Variants in TBCEL observed in about 807,000 individuals in gnomAD.
The protein encoded by TBCEL is tubulin folding cofactor E like.
Under a neutral mutation model 44.2 loss-of-function variants are expected in TBCEL, and 15 were observed. The observed-to-expected ratio is 0.34, with a 90% CI of 0.23 to 0.52. The LOEUF (loss-of-function observed/expected upper bound fraction) is 0.52. Among genes scored for constraint, TBCEL ranks in the 20% least tolerant of loss-of-function variants. The pLI, the probability that TBCEL is intolerant of heterozygous loss-of-function variation, is 0.95. For synonymous variants in TBCEL, 171 were observed against 185.4 expected (o/e 0.92, Z 0.63); for missense variants, 319 against 506.3 (o/e 0.63, Z 3.55).
At chr11:121,079,633 G>A (rs1259291761) in intron 8 of TBCEL, among the ~76,000 whole-genome samples, 2 of 152,152 alleles carry the variant, frequency 1.3e-5, no homozygotes, top group Non-Finnish European at 2.9e-5. Flanking sequence ...TGGTGACCTT[G>A]AGAAATCCTT....
chr11:121,069,816 G>A lies in TBCEL; in HGVS notation c.956+9731G>A, dbSNP rs182108870. On this transcript the variant is annotated intron_variant, in intron 8 of 8. Coordinates refer to ENST00000683345, the MANE Select transcript of TBCEL (RefSeq NM_001363644.2). ...AAAAAAAAAAGTAGTTAATAACTGG[G>A]AAGTAATGATACATATTATGCTGGG... Among the ~76,000 whole-genome samples, 432 of 152,128 alleles carry A rather than the reference G, an allele frequency of 2.8e-3. 2 individuals are homozygous for A. The highest frequency in any genetic ancestry group is 6.8e-3 in the Middle Eastern group (2 of 294).
In TBCEL at chr11:121,024,161, C is replaced by G. The variant is rs1945000416; in HGVS notation, c.-256C>G. On this transcript the variant is annotated 5_prime_UTR_variant, in exon 1 of 9. Transcript: ENST00000683345. ...GGCCAGAGTGGGGGACTAGGTGAAG[C>G]GGCGCCGGGCCGGGGCTGGCCGGGA... The G allele has an allele frequency of 6.5e-6, 1 of 153,170 alleles. No homozygotes were observed. The highest frequency in any genetic ancestry group is 6.5e-5 in the Admixed American group (1 of 15,290). 9.5% of individuals were successfully genotyped at this position (153,170 alleles called of 1,614,324 possible).
At chr11:121,064,497 T>G (rs1360653556) in intron 8 of TBCEL, among the ~76,000 whole-genome samples, 1 of 152,234 alleles carries the variant, frequency 6.6e-6, no homozygotes, top group Non-Finnish European at 1.5e-5. Flanking sequence ...AAAAGATTCA[T>G]GCATTCAGAC....
intron 8 of TBCEL, among the ~76,000 whole-genome samples, chr11:121,083,265 G>A (rs761357383): frequency 5.7e-4 from 86 of 152,210 alleles, no homozygotes; most frequent in Non-Finnish European, 7.2e-4. Context: ...GATGGGATAC[G>A]TAGGAAGATA....
chr11:121,034,579 C>A (rs549589437), intron 1 of TBCEL, among the ~76,000 whole-genome samples: 1 of 152,028 alleles, frequency 6.6e-6, no homozygotes, highest in Admixed American at 6.6e-5. Context: ...ATTAGAAAAC[C>A]TACTGATTAG....
chr11:121,038,849 GC>G (rs1406532156), intron 2 of TBCEL, among the ~76,000 whole-genome samples: 3 of 152,040 alleles, frequency 2.0e-5, no homozygotes, highest in Non-Finnish European at 4.4e-5. Flanking sequence ...AGGTATGATT[GC>G]TACTCTTTTC....
At chr11:121,075,552 A>G (rs1946017743) in intron 8 of TBCEL, among the ~76,000 whole-genome samples, 1 of 151,930 alleles carries the variant, frequency 6.6e-6, no homozygotes, top group African/African-American at 2.4e-5. Context: ...ATTTTATTAA[A>G]CTTATAGATG....
intron 1 of TBCEL, among the ~76,000 whole-genome samples, chr11:121,028,945 T>G (rs1945094359): frequency 6.6e-6 from 1 of 152,242 alleles, no homozygotes. Flanking sequence ...TGCAAACTTT[T>G]GAATGGTGGA....
intron 8 of TBCEL, among the ~76,000 whole-genome samples, chr11:121,069,170 A>G (rs1326642069): frequency 1.3e-5 from 2 of 152,064 alleles, no homozygotes; most frequent in African/African-American, 4.8e-5. Context: ...TATATTGTCA[A>G]TCTCCCCCCA....
intron 2 of TBCEL, 147 bp from the exon 3 acceptor site, chr11:121,045,527 A>G (rs371866641): frequency 1.8e-6 from 1 of 562,706 alleles, no homozygotes. Flanking sequence ...CTGTCACCAC[A>G]GTATATGTTT....
chr11:121,044,918 T>G (rs1945402136), intron 2 of TBCEL, among the ~76,000 whole-genome samples: 1 of 152,114 alleles, frequency 6.6e-6, no homozygotes, highest in Admixed American at 6.6e-5. Context: ...GCAAAATAGG[T>G]TACTTATCTG....
intron 1 of TBCEL, among the ~76,000 whole-genome samples, chr11:121,033,767 T>C (rs1169706060): frequency 6.6e-6 from 1 of 152,174 alleles, no homozygotes; most frequent in African/African-American, 2.4e-5. Flanking sequence ...ATTTCTTCTT[T>C]TTCCAAACTG....
chr11:121,025,779 A>G (rs1945036150), intron 1 of TBCEL, among the ~76,000 whole-genome samples: 1 of 150,116 alleles, frequency 6.7e-6, no homozygotes, highest in Non-Finnish European at 1.5e-5. Flanking sequence ...GGTGCAATTG[A>G]TTGCTTCGGT....
intron 8 of TBCEL, among the ~76,000 whole-genome samples, chr11:121,080,924 G>A (rs1946113435): frequency 1.3e-5 from 2 of 152,230 alleles, no homozygotes; most frequent in African/African-American, 4.8e-5. Context: ...GGACCTGAGT[G>A]TATGAAGGCT....
At chr11:121,057,285 T>A (rs1373596014) in intron 6 of TBCEL, among the ~76,000 whole-genome samples, 1 of 151,800 alleles carries the variant, frequency 6.6e-6, no homozygotes, top group Non-Finnish European at 1.5e-5. Context: ...TTCTATGAAA[T>A]AGACTTGATG....
intron 8 of TBCEL, among the ~76,000 whole-genome samples, chr11:121,066,506 C>T (rs143221165): frequency 6.6e-6 from 1 of 152,220 alleles, no homozygotes; most frequent in African/African-American, 2.4e-5. Context: ...CATATATCTA[C>T]TATAGTACCT....
rs1270016406 is a variant in TBCEL at position 121,089,237 on chromosome 11, G to A, written c.*2141G>A. ...TTATGCTTTAATCATAAGTGGAATG[G>A]TCACAATTAATAAGATATTTTATAT... On this transcript the variant is annotated 3_prime_UTR_variant, in exon 9 of 9. Transcript: ENST00000683345. 6.6e-6 allele frequency: 1 copy of A among 152,122 alleles called. No homozygotes were observed. Among genetic ancestry groups the A allele is most frequent in the Non-Finnish European group, 1.5e-5 (1 of 68,016 alleles). 9.4% of individuals were successfully genotyped at this position (152,122 alleles called of 1,614,324 possible). A position where few individuals can be genotyped will look rare whatever the true frequency, so the allele number is the denominator to read the frequency against.
chr11:121,036,651 T>C (rs760599789), intron 2 of TBCEL, 39 bp downstream of exon 2: 5 of 152,160 alleles, frequency 3.3e-5, no homozygotes, highest in East Asian at 1.9e-4. Flanking sequence ...TTAATTTTTT[T>C]CCCCTCATAT....
At chr11:121,044,618 G>A (rs2134917288) in intron 2 of TBCEL, among the ~76,000 whole-genome samples, 1 of 152,156 alleles carries the variant, frequency 6.6e-6, no homozygotes, top group Admixed American at 6.5e-5. Flanking sequence ...GTCAATTTTA[G>A]CTGCCTATAT....
Sources: gnomAD v4.1 joint callset for allele counts (sites outside exome capture counted in the v4.1 genomes callset) on GRCh38, gnomAD v4.1.1 for gene constraint, MANE v1.5 for transcripts, NCBI Gene and HGNC (gene_info 2026-07-23, HGNC 2026-07-21) for gene names.